Variants in SLC29A4 observed in about 807,000 individuals in gnomAD.
The protein encoded by SLC29A4 is solute carrier family 29 member 4.
A neutral mutation model predicts 43.9 loss-of-function variants in SLC29A4; 36 were observed. The observed-to-expected ratio is 0.82, with a 90% confidence interval of 0.63 to 1.08. The LOEUF (loss-of-function observed/expected upper bound fraction) is 1.08, where lower values mean the gene tolerates loss of function less well. Among genes scored for constraint, SLC29A4 ranks in the 50% least tolerant of loss-of-function variants. SLC29A4 has a pLI of 0.00. For missense variants in SLC29A4, 869 were observed against 755.3 expected (o/e 1.15, Z -1.77); for synonymous variants, 491 against 338.0 (o/e 1.45, Z -4.97).
chr7:5,297,530 C>T (rs1300393776), intron 7 of SLC29A4, among the ~76,000 whole-genome samples: 2 of 152,228 alleles, frequency 1.3e-5, no homozygotes, highest in African/African-American at 2.4e-5. Context: ...AGTTTCCATC[C>T]CTGGGACAGC....
rs1468505354 is a variant in SLC29A4, at chr7:5,290,780, C to G, written c.218C>G (p.Ala73Gly). The change falls in exon 3 of 11, where the codon GCG (alanine) becomes GGG (glycine). Residue 73 changes from alanine (A) to glycine (G), a missense_variant. By Grantham distance (60) the Ala-to-Gly change is moderately conservative. Coordinates refer to ENST00000396872, the MANE Select transcript of SLC29A4 (RefSeq NM_153247.4). ...PDDRYHAIYF[A>G]MLLAGVGFLL... Reference sequence around the variant, plus strand: ...GACCGTTATCACGCCATCTACTTTGCGATGCTGCTGGCTGGCGTGGGCTTC... The same window carrying G: ...GACCGTTATCACGCCATCTACTTTGGGATGCTGCTGGCTGGCGTGGGCTTC... 3 of 1,614,018 alleles carry G rather than the reference C, an allele frequency of 1.9e-6. No homozygotes were observed. The African/African-American group carries it at 4.0e-5, about 22-fold the overall frequency.
chr7:5,287,779 C>T (rs763384071), intron 1 of SLC29A4, 30 bp from the exon 2 acceptor site: 2 of 1,602,996 alleles, frequency 1.2e-6, no homozygotes, highest in Non-Finnish European at 1.7e-6. Context: ...CTTCTTCCCT[C>T]ACCTGCTCTC....
At chr7:5,298,937 C>A in intron 7 of SLC29A4, 51 bp from the exon 8 acceptor site, 4 of 1,579,540 alleles carry the variant, frequency 2.5e-6, no homozygotes, top group Non-Finnish European at 3.4e-6. Context: ...TGGCCCGTGT[C>A]TCCTGTCCTC....
At position 5,299,231 on chromosome 7, in the gene SLC29A4, A is replaced by C; in HGVS notation, c.1022-9A>C. The C allele has an allele frequency of 6.2e-7, 1 of 1,607,468 alleles. No individual in the cohort carries two copies. The highest frequency in any genetic ancestry group is 8.5e-7 in the Non-Finnish European group (1 of 1,176,432). Reference sequence around the variant, plus strand: ...GCGCTGCCTCTGACCCCCGCCCGCCACCCTCCAGCCCTGTTACTGCACCGC... The same window carrying C: ...GCGCTGCCTCTGACCCCCGCCCGCCCCCCTCCAGCCCTGTTACTGCACCGC... On this transcript the variant is annotated splice_polypyrimidine_tract_variant and intron_variant, in intron 8 of 10. Transcript: ENST00000396872.
intron 6 of SLC29A4, among the ~76,000 whole-genome samples, chr7:5,295,311 C>G (rs1785575719): frequency 1.3e-5 from 2 of 152,092 alleles, no homozygotes; most frequent in Non-Finnish European, 2.9e-5. Flanking sequence ...CACACCATGC[C>G]TACAGCACCG....
intron 6 of SLC29A4, among the ~76,000 whole-genome samples, chr7:5,295,825 C>T (rs1459186427): frequency 6.8e-6 from 1 of 146,906 alleles, no homozygotes; most frequent in Admixed American, 6.8e-5. Context: ...GTGGTGTGGC[C>T]GAGCGAGAGA....
intron 5 of SLC29A4, among the ~76,000 whole-genome samples, chr7:5,293,423 G>A (rs1785442569): frequency 6.6e-6 from 1 of 152,060 alleles, no homozygotes; most frequent in Non-Finnish European, 1.5e-5. Flanking sequence ...GCCTGCCTCA[G>A]CCTCCCAAAG....
At chr7:5,300,738 A>G in intron 10 of SLC29A4, 76 bp downstream of exon 10, 1 of 1,551,362 alleles carries the variant, frequency 6.4e-7, no homozygotes, top group South Asian at 1.2e-5. Flanking sequence ...AACCCAGGCT[A>G]GACCGCAGGA....
chr7:5,300,017 A>C (rs1786024893), intron 9 of SLC29A4, among the ~76,000 whole-genome samples: 1 of 152,090 alleles, frequency 6.6e-6, no homozygotes, highest in African/African-American at 2.4e-5. Context: ...GTGCCACTGC[A>C]CTCCAGCCTG....
Position 5,287,999 on chromosome 7 carries a change from C to G in SLC29A4, c.169+14C>G. On this transcript the variant is annotated intron_variant, in intron 2 of 10. Coordinates refer to ENST00000396872, the MANE Select transcript of SLC29A4 (RefSeq NM_153247.4). Reference sequence around the variant, plus strand: ...TCACGGATACTAGTAAGTAGGCGTGCGGGCAAGGTGCGGGTCTTGCCCCAA... The same window carrying G: ...TCACGGATACTAGTAAGTAGGCGTGGGGGCAAGGTGCGGGTCTTGCCCCAA... The G allele has an allele frequency of 6.2e-7, 1 of 1,602,034 alleles. No homozygotes were observed. Among genetic ancestry groups the G allele is most frequent in the Non-Finnish European group, 8.5e-7 (1 of 1,175,256 alleles).
In SLC29A4 at chr7:5,290,817, C is replaced by T. The variant is rs746734311; in HGVS notation, c.255C>T (p.Tyr85=). 4 of 1,614,044 alleles carry T rather than the reference C, an allele frequency of 2.5e-6. No individual in the cohort carries two copies. The Admixed American group carries it at 5.0e-5, about 20-fold the overall frequency. ...LLAGVGFLLP[Y]NSFITDVDYL... ...CTGGCGTGGGCTTCCTGCTGCCATA[C>T]AACAGCTTCATCACGGACGTGGACT... Residue 85 remains tyrosine (Y), a synonymous_variant, in exon 3 of 11, where the codon TAC becomes TAT. Transcript: ENST00000396872.
intron 5 of SLC29A4, among the ~76,000 whole-genome samples, chr7:5,294,104 T>TG (rs1329758225): frequency 1.4e-5 from 2 of 139,980 alleles, no homozygotes; most frequent in African/African-American, 5.2e-5. Context: ...AGGCTCTATC[T>TG]GGAAAAAAAA....
intron 10 of SLC29A4, among the ~76,000 whole-genome samples, chr7:5,302,114 C>T (rs1010017898): frequency 3.0e-4 from 45 of 152,184 alleles, no homozygotes; most frequent in Middle Eastern, 3.4e-3. Context: ...CCATACCTGG[C>T]GAATGTTTGT....
At position 5,297,030 on chromosome 7, in the gene SLC29A4, G is replaced by A. The variant is rs765278489; in HGVS notation, c.714G>A (p.Ser238=). The A allele has an allele frequency of 1.9e-6, 3 of 1,606,556 alleles. No individual in the cohort carries two copies. Among genetic ancestry groups the A allele is most frequent in the Non-Finnish European group, 2.5e-6 (3 of 1,179,658 alleles). The part of the protein sequence containing the change: ...RASTLIFFLV[S]VALELLCFLL... Reference sequence around the variant, plus strand: ...GCACGCTCATCTTCTTCCTGGTGTCGGTGGCGCTGGAGCTGCTGTGTTTCC... The same window carrying A: ...GCACGCTCATCTTCTTCCTGGTGTCAGTGGCGCTGGAGCTGCTGTGTTTCC... Residue 238 remains serine (S), a synonymous_variant, in exon 7 of 11, where the codon TCG becomes TCA. Coordinates refer to ENST00000396872, the MANE Select transcript of SLC29A4 (RefSeq NM_153247.4).
chr7:5,284,248 A>G (rs919812604), intron 1 of SLC29A4, among the ~76,000 whole-genome samples: 3 of 152,124 alleles, frequency 2.0e-5, no homozygotes, highest in Non-Finnish European at 2.9e-5. Flanking sequence ...AAATTAATAA[A>G]TGGGGGAGAG....
At position 5,287,816 on chromosome 7, in the gene SLC29A4, C is replaced by G; in HGVS notation, c.-1C>G. On this transcript the variant is annotated 5_prime_UTR_variant, in exon 2 of 11. Transcript: ENST00000396872. ...CTGCTTTCTCCAAAGCAGAGGCTGC[C>G]ATGGGCTCCGTGGGGAGCCAGCGCC... The G allele has an allele frequency of 6.2e-7, 1 of 1,610,876 alleles. No individual in the cohort carries two copies.
chr7:5,293,088 C>T (rs1373573430), intron 5 of SLC29A4, among the ~76,000 whole-genome samples: 1 of 151,730 alleles, frequency 6.6e-6, no homozygotes, highest in African/African-American at 2.4e-5. Flanking sequence ...CGGTCCTTCA[C>T]CCACCCCTGT....
At chr7:5,295,625 A>C (rs761114296) in intron 6 of SLC29A4, among the ~76,000 whole-genome samples, 12 of 152,250 alleles carry the variant, frequency 7.9e-5, no homozygotes, top group Non-Finnish European at 1.6e-4. Context: ...CTGTGCCTGG[A>C]CTGGCCCGGG....
At chr7:5,298,859 A>C (rs1017064843) in intron 7 of SLC29A4, 129 bp from the exon 8 acceptor site, 2 of 990,044 alleles carry the variant, frequency 2.0e-6, no homozygotes, top group South Asian at 3.3e-5. Flanking sequence ...GGGTGTCTGC[A>C]CACAGTAGGT....
Sources: gnomAD v4.1 joint callset for allele counts (sites outside exome capture counted in the v4.1 genomes callset) on GRCh38, gnomAD v4.1.1 for gene constraint, MANE v1.5 for transcripts, NCBI Gene and HGNC (gene_info 2026-07-23, HGNC 2026-07-21) for gene names.